Variants in PLK3 observed in about 807,000 individuals in gnomAD.
PLK3 encodes the protein polo like kinase 3.
PLK3 carries 41 observed loss-of-function variants against 71.6 expected under a neutral mutation model. That is an observed-to-expected ratio of 0.57 (90% CI 0.45 to 0.74). PLK3 has a LOEUF of 0.74. Among genes scored for constraint, PLK3 ranks in the 30% least tolerant of loss-of-function variants. The pLI is 0.00. For missense variants in PLK3, 791 were observed against 875.6 expected (o/e 0.90, Z 1.22); for synonymous variants, 366 against 355.4 (o/e 1.03, Z -0.33).
chr1:44,801,509 A>C, intron 3 of PLK3, 113 bp from the exon 4 acceptor site: 1 of 1,177,926 alleles, frequency 8.5e-7, no homozygotes, highest in Non-Finnish European at 1.2e-6. Context: ...CACCCAGCCG[A>C]GAAGACAGTC....
rs374805149 is a variant in PLK3 at position 44,803,732 on chromosome 1, C to G, written c.1164+41C>G. The G allele has an allele frequency of 1.1e-5, 16 of 1,462,770 alleles. No homozygotes were observed. In the African/African-American group the frequency reaches 1.4e-4, roughly 13 times the overall value. 90.6% of individuals were successfully genotyped at this position (1,462,770 alleles called of 1,614,324 possible). On this transcript the variant is annotated intron_variant, in intron 9 of 14. Coordinates refer to ENST00000372201, the MANE Select transcript of PLK3 (RefSeq NM_004073.4). This position sits in a 1 kb window ranked among gnomAD's most constrained non-coding sequence, Gnocchi z 4.3. ...GGACACTGTTCCCCTGACTCACCCCCACCCTAGCAGCTGAGGGAAGCCGGG... is the reference window on the plus strand; with the variant it reads ...GGACACTGTTCCCCTGACTCACCCCGACCCTAGCAGCTGAGGGAAGCCGGG...
Position 44,800,500 on chromosome 1 carries a change from T to C in PLK3, c.37T>C (p.Phe13Leu). The stretch of plus-strand genomic sequence containing the variant: ...CGCCGGTTTCCTGTCTCCGCGCCCC[T>C]TCCAGCGTGCGGCCGCCGCGCCCGC... ...PAAGFLSPRPFQRAAAAPAPP... is the reference protein window; with the variant it reads ...PAAGFLSPRPLQRAAAAPAPP... Residue 13 changes from phenylalanine (F) to leucine (L), a missense_variant, in exon 1 of 15, where the codon TTC becomes CTC. Transcript: ENST00000372201. The surrounding 1 kb of genome is among the most constrained non-coding windows in gnomAD (Gnocchi z 6.5). The C allele has an allele frequency of 1.4e-6, 2 of 1,447,222 alleles. No individual in the cohort carries two copies. Among genetic ancestry groups the C allele is most frequent in the Non-Finnish European group, 1.8e-6 (2 of 1,107,316 alleles). The allele number at this position is 1,447,222 out of a possible 1,614,324, so 89.6% of individuals were successfully genotyped here.
chr1:44,803,365 A>G lies in PLK3; in HGVS notation c.1046A>G (p.Lys349Arg), dbSNP rs375317245. 1.9e-6 allele frequency: 3 copies of G among 1,614,106 alleles called. No individual in the cohort carries two copies. Among genetic ancestry groups the G allele is most frequent in the Non-Finnish European group, 2.5e-6 (3 of 1,180,028 alleles). ...PARSLFAKVT[K>R]SLFGRKKKSK... ...AGGAGTCTGTTTGCCAAAGTTACCA[A>G]GAGCCTCTTTGGCAGAAAGAAGAAG... The change falls in exon 8 of 15, where the codon AAG becomes AGG. Residue 349 changes from lysine (K) to arginine (R), a missense_variant. Transcript: ENST00000372201. The surrounding 1 kb of genome is among the most constrained non-coding windows in gnomAD (Gnocchi z 4.3).
In PLK3 at chr1:44,803,135, C is replaced by T; in HGVS notation, c.930C>T (p.Arg310=). Residue 310 remains arginine, a synonymous_variant, in exon 7 of 15, where the codon CGC becomes CGT. Transcript: ENST00000372201. The surrounding 1 kb of genome is among the most constrained non-coding windows in gnomAD (Gnocchi z 4.3). ...RDRPSIDQIL[R]HDFFTKGYTP... is the part of the protein sequence containing the mutation. ...GCCCCTCTATTGACCAGATCCTGCG[C>T]CATGACTTCTTTACCAAGGTCTGTG... 1 of 1,613,946 alleles carries T rather than the reference C, an allele frequency of 6.2e-7. No individual in the cohort carries two copies. Among genetic ancestry groups the T allele is most frequent in the African/African-American group, 1.3e-5 (1 of 75,008 alleles).
In PLK3 at chr1:44,803,696, G is replaced by C. The variant is rs1240220617; in HGVS notation, c.1164+5G>C. 1 of 1,605,986 alleles carries C rather than the reference G, an allele frequency of 6.2e-7. No individual in the cohort carries two copies. The highest frequency in any genetic ancestry group is 8.5e-7 in the Non-Finnish European group (1 of 1,174,464). ...CATCAGGATGCCAGGCCAGAGGTGAGGCGCTCAGGTGGACACTGTTCCCCT... is the reference window on the plus strand; with the variant it reads ...CATCAGGATGCCAGGCCAGAGGTGACGCGCTCAGGTGGACACTGTTCCCCT... On this transcript the variant is annotated splice_donor_5th_base_variant and intron_variant, in intron 9 of 14. Coordinates refer to ENST00000372201, the MANE Select transcript of PLK3 (RefSeq NM_004073.4). The surrounding 1 kb of genome is among the most constrained non-coding windows in gnomAD (Gnocchi z 4.3).
chr1:44,802,694 G>A, intron 5 of PLK3, 66 bp from the exon 6 acceptor site: 1 of 1,080,112 alleles, frequency 9.3e-7, no homozygotes, highest in South Asian at 1.3e-5. Flanking sequence ...CTAACAGTGG[G>A]GGAAGGAGTC....
At position 44,803,395 on chromosome 1, in the gene PLK3, A is replaced by C; in HGVS notation, c.1072+4A>C. On this transcript the variant is annotated splice_donor_region_variant and intron_variant, in intron 8 of 14. Transcript: ENST00000372201. The surrounding 1 kb of genome is among the most constrained non-coding windows in gnomAD (Gnocchi z 4.3). ...CTCTTTGGCAGAAAGAAGAAGAGTGAGTCTGGGGTGTCAGTGGGTTGAGGG... is the reference window on the plus strand; with the variant it reads ...CTCTTTGGCAGAAAGAAGAAGAGTGCGTCTGGGGTGTCAGTGGGTTGAGGG... 1.2e-6 allele frequency: 2 copies of C among 1,613,932 alleles called. No individual in the cohort carries two copies. Among genetic ancestry groups the C allele is most frequent in the Non-Finnish European group, 1.7e-6 (2 of 1,179,984 alleles).
In PLK3 at chr1:44,800,793, A is replaced by T. The variant is rs750093079; in HGVS notation, c.211-47A>T. 1 of 1,570,950 alleles carries T rather than the reference A, an allele frequency of 6.4e-7. No individual in the cohort carries two copies. The highest frequency in any genetic ancestry group is 1.4e-5 in the African/African-American group (1 of 73,800). On this transcript the variant is annotated intron_variant, in intron 1 of 14. Coordinates refer to ENST00000372201, the MANE Select transcript of PLK3 (RefSeq NM_004073.4). The surrounding 1 kb of genome is among the most constrained non-coding windows in gnomAD (Gnocchi z 6.5). ...CCCAACGCGGGGACGCCCGCGGGCC[A>T]GACTCGGCCCCCCTGGAACAACCAG...
Position 44,803,741 on chromosome 1 carries a change from A to G in PLK3, c.1164+50A>G, listed in dbSNP as rs369066373. ...TCCCCTGACTCACCCCCACCCTAGCAGCTGAGGGAAGCCGGGGATAAAAGA... is the reference window on the plus strand; with the variant it reads ...TCCCCTGACTCACCCCCACCCTAGCGGCTGAGGGAAGCCGGGGATAAAAGA... On this transcript the variant is annotated intron_variant, in intron 9 of 14. Coordinates refer to ENST00000372201, the MANE Select transcript of PLK3 (RefSeq NM_004073.4). This position sits in a 1 kb window ranked among gnomAD's most constrained non-coding sequence, Gnocchi z 4.3. The G allele has an allele frequency of 2.9e-6, 4 of 1,398,856 alleles. No homozygotes were observed. In the African/African-American group the frequency reaches 4.3e-5, roughly 15 times the overall value. 86.7% of individuals were successfully genotyped at this position (1,398,856 alleles called of 1,614,324 possible). A position where few individuals can be genotyped will look rare whatever the true frequency, so the allele number is the denominator to read the frequency against.
Position 44,803,493 on chromosome 1 carries a change from G to C in PLK3, c.1072+102G>C. ...GTGGGTGCCTGGAAACTCCTGGGGA[G>C]AGCATGTGCAGTACAGGCACTTGGG... On this transcript the variant is annotated intron_variant, in intron 8 of 14. Transcript: ENST00000372201. The surrounding 1 kb of genome is among the most constrained non-coding windows in gnomAD (Gnocchi z 4.3). 1 of 1,590,742 alleles carries C rather than the reference G, an allele frequency of 6.3e-7. No homozygotes were observed. The highest frequency in any genetic ancestry group is 1.1e-5 in the South Asian group (1 of 89,958).
rs778583578 is a variant in PLK3 at position 44,803,318 on chromosome 1, C to T, written c.999C>T (p.Asp333=). 1.2e-6 allele frequency: 2 copies of T among 1,614,158 alleles called. No individual in the cohort carries two copies. Among genetic ancestry groups the T allele is most frequent in the Admixed American group, 1.7e-5 (1 of 60,014 alleles). Reference sequence around the variant, plus strand: ...TCAGCAGCTGCGTGACAGTCCCAGACCTGACACCCCCCAACCCAGCTAGGA... The same window carrying T: ...TCAGCAGCTGCGTGACAGTCCCAGATCTGACACCCCCCAACCCAGCTAGGA... ...LPISSCVTVP[D]LTPPNPARSL... is the part of the protein sequence containing the mutation. The change falls in exon 8 of 15, where the codon GAC becomes GAT. Residue 333 remains aspartate (D), a synonymous_variant. Coordinates refer to ENST00000372201, the MANE Select transcript of PLK3 (RefSeq NM_004073.4). This position sits in a 1 kb window ranked among gnomAD's most constrained non-coding sequence, Gnocchi z 4.3.
rs761894062 is a variant in PLK3 at position 44,805,395 on chromosome 1, G to C, written c.1749+16G>C. 8.1e-5 allele frequency: 130 copies of C among 1,610,498 alleles called. No individual in the cohort carries two copies. Among genetic ancestry groups the C allele is most frequent in the Non-Finnish European group, 1.0e-4 (123 of 1,176,730 alleles). ...CACTGTCCAGGTAAGAGCCTATCCA[G>C]GAGTTGCGGGAAGGTCTGGGAGGCC... On this transcript the variant is annotated intron_variant, in intron 14 of 14. Transcript: ENST00000372201.
At position 44,800,722 on chromosome 1, in the gene PLK3, C is replaced by G; in HGVS notation, c.210+49C>G. 1.3e-6 allele frequency: 2 copies of G among 1,534,798 alleles called. No homozygotes were observed. Among genetic ancestry groups the G allele is most frequent in the Non-Finnish European group, 8.8e-7 (1 of 1,142,674 alleles). On this transcript the variant is annotated intron_variant, in intron 1 of 14. Coordinates refer to ENST00000372201, the MANE Select transcript of PLK3 (RefSeq NM_004073.4). The surrounding 1 kb of genome is among the most constrained non-coding windows in gnomAD (Gnocchi z 6.5). ...GTGGTGATGGTGGAGGTGGGGGTCC[C>G]GGCCGGCCTCTTTTCTGGCGCCGAG...
rs781143591 is a variant in PLK3, at chr1:44,804,399, T to C, written c.1403T>C (p.Val468Ala). 12 of 1,613,894 alleles carry C rather than the reference T, an allele frequency of 7.4e-6. No homozygotes were observed. In the South Asian group the frequency reaches 1.2e-4, roughly 16 times the overall value. The change falls in exon 12 of 15, where the codon GTT (valine) becomes GCT (alanine). Residue 468 changes from valine to alanine, a missense_variant. Physicochemically the swap from Val to Ala is moderately conservative, Grantham distance 64. Transcript: ENST00000372201. Reference protein sequence around the residue: ...PEPLVWVSKWVDYSNKFGFGY... With the variant: ...PEPLVWVSKWADYSNKFGFGY... ...CCTCTGGTGTGGGTCAGCAAGTGGG[T>C]TGACTACTCCAATAAGTTCGGCTTT...
At chr1:44,805,043 G>T in intron 13 of PLK3, 1 of 582,328 alleles carries the variant, frequency 1.7e-6, no homozygotes, top group Non-Finnish European at 3.1e-6. Context: ...GGCGGAGCTT[G>T]CAGTGAGCAG....
rs1651906471 is a variant in PLK3, at chr1:44,803,547, G to A, written c.1073-53G>A. The A allele has an allele frequency of 6.3e-7, 1 of 1,583,894 alleles. No individual in the cohort carries two copies. On this transcript the variant is annotated intron_variant, in intron 8 of 14. Coordinates refer to ENST00000372201, the MANE Select transcript of PLK3 (RefSeq NM_004073.4). This position sits in a 1 kb window ranked among gnomAD's most constrained non-coding sequence, Gnocchi z 4.3. ...GCCAATCTCTGTGTCATCCCTGTCG[G>A]AAGTGGAGGGGCTGGGCAGGATACT... is the stretch of plus-strand genomic sequence containing the variant.
chr1:44,802,710 G>A (rs12404160), intron 5 of PLK3, 50 bp from the exon 6 acceptor site: 204,358 of 1,267,300 alleles, frequency 0.16, 16,985 homozygotes, highest in East Asian at 0.19. Context: ...GAGTCGGGGG[G>A]CTGCTGGGCT....
Position 44,804,000 on chromosome 1 carries a change from G to A in PLK3, c.1234G>A (p.Gly412Arg), listed in dbSNP as rs1289465318. The change falls in exon 10 of 15, where the codon GGG becomes AGG. Residue 412 changes from glycine (G) to arginine (R), a missense_variant. Coordinates refer to ENST00000372201, the MANE Select transcript of PLK3 (RefSeq NM_004073.4). This position sits in a 1 kb window ranked among gnomAD's most constrained non-coding sequence, Gnocchi z 4.3. ...ETAPEDSSPR[G>R]TLASSGDGFE... ...AGCACCTGAAGACAGCTCACCCCGT[G>A]GGACACTGGCAAGCAGTGGAGATGG... is the stretch of plus-strand genomic sequence containing the variant. 4.5e-6 allele frequency: 7 copies of A among 1,554,802 alleles called. No individual in the cohort carries two copies. The highest frequency in any genetic ancestry group is 6.1e-6 in the Non-Finnish European group (7 of 1,147,780).
At position 44,801,614 on chromosome 1, in the gene PLK3, C is replaced by G; in HGVS notation, c.436-8C>G. 1 of 1,612,602 alleles carries G rather than the reference C, an allele frequency of 6.2e-7. No homozygotes were observed. Among genetic ancestry groups the G allele is most frequent in the Non-Finnish European group, 8.5e-7 (1 of 1,179,360 alleles). ...CTCACCAGGGGCTGAGGCAGTGGCT[C>G]TCTGCAGTCCCTGGCCCACATCTGG... On this transcript the variant is annotated splice_region_variant and splice_polypyrimidine_tract_variant and intron_variant, in intron 3 of 14. Coordinates refer to ENST00000372201, the MANE Select transcript of PLK3 (RefSeq NM_004073.4).
Sources: gnomAD v4.1 joint callset for allele counts on GRCh38, gnomAD v4.1.1 for gene constraint, Gnocchi (gnomAD v3.1) non-coding constraint, MANE v1.5 for transcripts, NCBI Gene and HGNC (gene_info 2026-07-23, HGNC 2026-07-21) for gene names.